PTPRT: variants seen among roughly 807,000 people sequenced by gnomAD.
The protein encoded by PTPRT is receptor-type tyrosine-protein phosphatase T.
PTPRT carries 56 observed loss-of-function variants against 176.8 expected under a neutral mutation model. The observed-to-expected ratio is 0.32, with a 90% CI of 0.26 to 0.40. The LOEUF is 0.40. Among genes scored for constraint, PTPRT ranks in the 10% least tolerant of loss-of-function variants. The probability of loss-of-function intolerance (pLI) is 1.00; values close to 1 mark genes in which losing one functional copy is unlikely to be tolerated. For missense variants in PTPRT, 1,540 were observed against 1,908.2 expected (o/e 0.81, Z 3.60); for synonymous variants, 783 against 739.0 (o/e 1.06, Z -0.96).
chr20:42,481,577 G>T (rs962447482), intron 7 of PTPRT, among the ~76,000 whole-genome samples: 2 of 151,886 alleles, frequency 1.3e-5, no homozygotes, highest in Admixed American at 6.6e-5. Flanking sequence ...TCAAGATATG[G>T]TATCAGAATA....
At chr20:42,526,645 T>A (rs2072272121) in intron 7 of PTPRT, among the ~76,000 whole-genome samples, 1 of 152,210 alleles carries the variant, frequency 6.6e-6, no homozygotes, top group South Asian at 2.1e-4. Flanking sequence ...GTCTTTTTCC[T>A]ATGCTTTTCC....
At chr20:43,108,330 A>G (rs2012706416) in intron 1 of PTPRT, among the ~76,000 whole-genome samples, 1 of 152,194 alleles carries the variant, frequency 6.6e-6, no homozygotes, top group Non-Finnish European at 1.5e-5. Context: ...TGATAGTTCC[A>G]GCTGCGTGCC....
chr20:42,331,794 A>ATTCT (rs1288003736), intron 11 of PTPRT, among the ~76,000 whole-genome samples: 1 of 152,138 alleles, frequency 6.6e-6, no homozygotes, highest in Non-Finnish European at 1.5e-5. Flanking sequence ...TCACCGTGAT[A>ATTCT]TTCTTATATA....
chr20:42,845,835 G>T (rs986859639), intron 2 of PTPRT, among the ~76,000 whole-genome samples: 1 of 152,200 alleles, frequency 6.6e-6, no homozygotes, highest in African/African-American at 2.4e-5. Context: ...GAGAAGAACT[G>T]GGCAGGTAAA....
intron 7 of PTPRT, among the ~76,000 whole-genome samples, chr20:42,662,769 A>G (rs893711234): frequency 4.6e-5 from 7 of 152,128 alleles, no homozygotes; most frequent in African/African-American, 1.7e-4. Flanking sequence ...CTTGGTTTGC[A>G]TCTCAGGGCT....
chr20:42,742,032 G>A (rs761527676), intron 6 of PTPRT, among the ~76,000 whole-genome samples: 9 of 152,254 alleles, frequency 5.9e-5, no homozygotes, highest in East Asian at 1.9e-4. Context: ...AAAAGGTGGC[G>A]GTCAGCTCAC....
At chr20:42,310,133 G>T (rs1418634261) in intron 12 of PTPRT, among the ~76,000 whole-genome samples, 1 of 151,984 alleles carries the variant, frequency 6.6e-6, no homozygotes, top group Non-Finnish European at 1.5e-5. Flanking sequence ...GAATGTTTGA[G>T]AAATAATGTC....
intron 1 of PTPRT, among the ~76,000 whole-genome samples, chr20:43,167,795 T>C (rs2014893406): frequency 6.6e-6 from 1 of 152,210 alleles, no homozygotes; most frequent in South Asian, 2.1e-4. Flanking sequence ...AAATGCTTAG[T>C]CCAGCAGCCT....
intron 7 of PTPRT, among the ~76,000 whole-genome samples, chr20:42,550,830 A>G (rs1191211165): frequency 6.6e-6 from 1 of 152,174 alleles, no homozygotes; most frequent in African/African-American, 2.4e-5. Context: ...TCTATCATAC[A>G]CTTGGTTTTG....
chr20:43,167,192 G>A (rs1165510562), intron 1 of PTPRT, among the ~76,000 whole-genome samples: 1 of 152,142 alleles, frequency 6.6e-6, no homozygotes, highest in Non-Finnish European at 1.5e-5. Context: ...TACAACTCTG[G>A]CTCCCTCAAC....
At chr20:42,169,877 G>T (rs1028263014) in intron 16 of PTPRT, among the ~76,000 whole-genome samples, 3 of 151,878 alleles carry the variant, frequency 2.0e-5, no homozygotes, top group Admixed American at 6.6e-5. Flanking sequence ...TGGTGGGGGC[G>T]GGGGCAGGGA....
intron 7 of PTPRT, among the ~76,000 whole-genome samples, chr20:42,612,432 C>T (rs961749185): frequency 1.3e-5 from 2 of 152,194 alleles, no homozygotes; most frequent in Non-Finnish European, 2.9e-5. Flanking sequence ...GAAGCCCAGG[C>T]AGCAGCTGAG....
At chr20:43,060,717 TC>T in intron 1 of PTPRT, among the ~76,000 whole-genome samples, 1 of 152,378 alleles carries the variant, frequency 6.6e-6, no homozygotes. Context: ...CTCTGTGTTC[TC>T]TTCCAGAGAG....
At chr20:42,909,306 T>C (rs547192707) in intron 1 of PTPRT, among the ~76,000 whole-genome samples, 1 of 152,266 alleles carries the variant, frequency 6.6e-6, no homozygotes, top group Admixed American at 6.5e-5. Context: ...TTACCCAGAT[T>C]TCTAAAATGC....
intron 4 of PTPRT, among the ~76,000 whole-genome samples, chr20:42,772,696 A>C (rs1264494236): frequency 6.6e-6 from 1 of 152,196 alleles, no homozygotes; most frequent in African/African-American, 2.4e-5. Context: ...TCACCCCCAG[A>C]ATGGAAACAA....
At chr20:42,972,198 C>G (rs903210785) in intron 1 of PTPRT, among the ~76,000 whole-genome samples, 2 of 145,464 alleles carry the variant, frequency 1.4e-5, no homozygotes, top group African/African-American at 5.0e-5. Context: ...GCACGGCATT[C>G]CATGCAGAGG....
the PTPRT span, among the ~76,000 whole-genome samples, chr20:42,032,865 C>T: frequency 6.6e-6 from 1 of 152,124 alleles, no homozygotes; most frequent in Non-Finnish European, 1.5e-5. Flanking sequence ...CTGAGTATTT[C>T]AGTGCTGCAG....
Position 42,857,432 on chromosome 20 carries a change from C to T in PTPRT, c.214+28375G>A, listed in dbSNP as rs147935264. 5.8e-3 allele frequency among the ~76,000 whole-genome samples: 890 copies of T among 152,220 alleles called. 8 individuals are homozygous for T. Among genetic ancestry groups the T allele is most frequent in the Middle Eastern group, 0.031 (9 of 294 alleles). ...AATGCACTTCCATTTCCATCCATAT[C>T]TCTCAGCGTACATTTTTTCTCTCTT... On this transcript the variant is annotated intron_variant, in intron 2 of 30. Coordinates refer to ENST00000373187, the MANE Select transcript of PTPRT (RefSeq NM_007050.6).
intron 9 of PTPRT, among the ~76,000 whole-genome samples, chr20:42,394,642 C>A (rs1456941880): frequency 1.3e-5 from 2 of 152,106 alleles, no homozygotes; most frequent in Admixed American, 1.3e-4. Context: ...ACACATTTTC[C>A]ATATGGTATA....
Sources: gnomAD v4.1 joint callset for allele counts (sites outside exome capture counted in the v4.1 genomes callset) on GRCh38, gnomAD v4.1.1 for gene constraint, MANE v1.5 for transcripts, NCBI Gene and HGNC (gene_info 2026-07-23, HGNC 2026-07-21) for gene names.